The following AP1AR variants were observed in gnomAD, a reference collection of about 807,000 sequenced individuals.
AP1AR encodes AP-1 complex-associated regulatory protein.
A neutral mutation model predicts 46.3 loss-of-function variants in AP1AR; 29 were observed. The observed-to-expected ratio is 0.63, with a 90% CI of 0.47 to 0.85. The LOEUF (loss-of-function observed/expected upper bound fraction) is 0.85. AP1AR is among the 40% of genes least tolerant of loss of function. The probability of loss-of-function intolerance (pLI) is 0.00; values close to 1 mark genes in which losing one functional copy is unlikely to be tolerated. For synonymous variants in AP1AR, 122 were observed against 122.9 expected (o/e 0.99, Z 0.05); for missense variants, 357 against 356.3 (o/e 1.00, Z -0.02).
intron 9 of AP1AR, chr4:112,266,924 T>C: frequency 2.4e-6 from 1 of 408,506 alleles, no homozygotes; most frequent in Non-Finnish European, 4.3e-6. Flanking sequence ...TTCTTTAGAT[T>C]TAGAAAATAA....
At chr4:112,239,947 A>G (rs1725414861) in intron 1 of AP1AR, among the ~76,000 whole-genome samples, 1 of 152,204 alleles carries the variant, frequency 6.6e-6, no homozygotes, top group Non-Finnish European at 1.5e-5. Context: ...AAGTGGGTCT[A>G]CCCACATATA....
intron 1 of AP1AR, among the ~76,000 whole-genome samples, chr4:112,239,491 A>G (rs915159477): frequency 4.6e-5 from 7 of 151,506 alleles, no homozygotes; most frequent in African/African-American, 1.7e-4. Context: ...CTCACACTAT[A>G]CTCTCCTTAA....
intron 1 of AP1AR, among the ~76,000 whole-genome samples, chr4:112,237,229 C>T (rs991504098): frequency 7.9e-5 from 12 of 152,150 alleles, no homozygotes; most frequent in African/African-American, 2.9e-4. Flanking sequence ...GCCTCAGCAT[C>T]CCGAGTAGCT....
rs536571351 is a variant in AP1AR at position 112,232,079 on chromosome 4, T to C, written c.-13T>C. ...GAGGAGGAGGAGGAGCGGCGGCGCC[T>C]GGGCGGCATGCGATGGGGAACTGCT... On this transcript the variant is annotated 5_prime_UTR_variant, in exon 1 of 10. Transcript: ENST00000274000. 2.2e-6 allele frequency: 3 copies of C among 1,350,322 alleles called. No homozygotes were observed. Among genetic ancestry groups the C allele is most frequent in the South Asian group, 1.9e-5 (1 of 52,560 alleles). The allele number at this position is 1,350,322 out of a possible 1,614,324, so 83.6% of individuals were successfully genotyped here.
At chr4:112,259,919 T>C (rs1283506121) in intron 4 of AP1AR, among the ~76,000 whole-genome samples, 15 of 152,218 alleles carry the variant, frequency 9.9e-5, no homozygotes, top group Non-Finnish European at 2.1e-4. Context: ...TGGTTGATAC[T>C]CCTCATTTCT....
Position 112,231,925 on chromosome 4 carries a change from G to A in AP1AR, c.-167G>A. On this transcript the variant is annotated 5_prime_UTR_variant, in exon 1 of 10. Transcript: ENST00000274000. ...GTAAACACTGCCTTTGTTCCCTAGC[G>A]CCTCGTCTTTCGTCGCCCCGTGCCC... 1 of 480,976 alleles carries A rather than the reference G, an allele frequency of 2.1e-6. No homozygotes were observed. Among genetic ancestry groups the A allele is most frequent in the East Asian group, 3.5e-5 (1 of 28,330 alleles). 29.8% of individuals were successfully genotyped at this position (480,976 alleles called of 1,614,324 possible).
At chr4:112,253,707 C>G (rs941214545) in intron 2 of AP1AR, among the ~76,000 whole-genome samples, 1 of 152,200 alleles carries the variant, frequency 6.6e-6, no homozygotes, top group Non-Finnish European at 1.5e-5. Flanking sequence ...ACTAGCCACT[C>G]CACCATACAA....
intron 1 of AP1AR, among the ~76,000 whole-genome samples, chr4:112,241,467 C>T (rs1475283735): frequency 6.6e-6 from 1 of 152,194 alleles, no homozygotes; most frequent in African/African-American, 2.4e-5. Flanking sequence ...AGACCAGTGT[C>T]TCAGCTCAAG....
intron 7 of AP1AR, chr4:112,265,454 CTCAT>C: frequency 2.6e-6 from 1 of 383,586 alleles, no homozygotes; most frequent in East Asian, 5.0e-5. Context: ...AGTATCACTA[CTCAT>C]TCAAAGAATA....
At chr4:112,237,595 C>T (rs1180262028) in intron 1 of AP1AR, among the ~76,000 whole-genome samples, 1 of 152,082 alleles carries the variant, frequency 6.6e-6, no homozygotes, top group Non-Finnish European at 1.5e-5. Flanking sequence ...GCTGGGACTA[C>T]AGGCGCAGGC....
intron 1 of AP1AR, among the ~76,000 whole-genome samples, chr4:112,239,940 T>C (rs1725414407): frequency 6.6e-6 from 1 of 152,262 alleles, no homozygotes; most frequent in South Asian, 2.1e-4. Context: ...GACTATCAAG[T>C]GGGTCTACCC....
At chr4:112,253,967 A>T (rs1169519333) in intron 2 of AP1AR, among the ~76,000 whole-genome samples, 1 of 152,252 alleles carries the variant, frequency 6.6e-6, no homozygotes, top group African/African-American at 2.4e-5. Context: ...TAATATAAAA[A>T]AAGATAAAGA....
intron 1 of AP1AR, among the ~76,000 whole-genome samples, chr4:112,237,059 C>T (rs1022993967): frequency 6.6e-6 from 1 of 152,168 alleles, no homozygotes; most frequent in Non-Finnish European, 1.5e-5. Flanking sequence ...TTTTAATATC[C>T]TATATACCAG....
intron 1 of AP1AR, among the ~76,000 whole-genome samples, chr4:112,242,898 G>A (rs764200691): frequency 1.1e-4 from 17 of 152,178 alleles, no homozygotes; most frequent in Non-Finnish European, 1.8e-4. Flanking sequence ...AGAATTACAT[G>A]TAAATGAATG....
intron 1 of AP1AR, among the ~76,000 whole-genome samples, chr4:112,235,671 A>T (rs935892097): frequency 3.3e-5 from 5 of 152,192 alleles, no homozygotes; most frequent in African/African-American, 1.2e-4. Context: ...GAACTTTCCC[A>T]AGATAGCAGA....
At position 112,235,694 on chromosome 4, in the gene AP1AR, A is replaced by G. The variant is rs551904019; in HGVS notation, c.83+3520A>G. Among the ~76,000 whole-genome samples the G allele has an allele frequency of 7.8e-4, 119 of 152,290 alleles. 1 individual carries two copies. Among genetic ancestry groups the G allele is most frequent in the Non-Finnish European group, 1.4e-3 (97 of 68,024 alleles). The stretch of plus-strand genomic sequence containing the variant: ...CCAAGATAGCAGAGCTGGGATTGCA[A>G]CCCAGGTCCCTCTGAATTCAGAGTT... On this transcript the variant is annotated intron_variant, in intron 1 of 9. Coordinates refer to ENST00000274000, the MANE Select transcript of AP1AR (RefSeq NM_018569.6).
chr4:112,254,229 A>G (rs760013907), intron 2 of AP1AR, among the ~76,000 whole-genome samples: 7 of 152,210 alleles, frequency 4.6e-5, no homozygotes, highest in East Asian at 1.9e-4. Flanking sequence ...TTACATTCCT[A>G]TCTCTAGAAA....
rs79710089 is a variant in AP1AR at position 112,264,048 on chromosome 4, T to C, written c.382-961T>C. 5.3e-3 allele frequency among the ~76,000 whole-genome samples: 806 copies of C among 152,312 alleles called. 4 individuals are homozygous for C. The highest frequency in any genetic ancestry group is 0.016 in the East Asian group (84 of 5,188). On this transcript the variant is annotated intron_variant, in intron 6 of 9. Transcript: ENST00000274000. ...ATTGTTACATGATTTCTATGTGAAC[T>C]GTGTCCTTCTCCCCCCAACTTTCCT... is the stretch of plus-strand genomic sequence containing the variant.
At chr4:112,257,688 A>G in intron 3 of AP1AR, 84 bp from the exon 4 acceptor site, 1 of 1,066,540 alleles carries the variant, frequency 9.4e-7, no homozygotes, top group Non-Finnish European at 1.3e-6. Flanking sequence ...GAAAGTATTT[A>G]GATTAAATAA....
Sources: gnomAD v4.1 joint callset for allele counts (sites outside exome capture counted in the v4.1 genomes callset) on GRCh38, gnomAD v4.1.1 for gene constraint, MANE v1.5 for transcripts, NCBI Gene and HGNC (gene_info 2026-07-23, HGNC 2026-07-21) for gene names.